The following ALDH18A1 variants were observed in gnomAD, a reference collection of about 807,000 sequenced individuals.
ALDH18A1 encodes delta-1-pyrroline-5-carboxylate synthase.
Under a neutral mutation model 88.8 loss-of-function variants are expected in ALDH18A1, and 44 were observed. That is an observed-to-expected ratio of 0.50 (90% CI 0.39 to 0.64). ALDH18A1 has a LOEUF of 0.64. Ranked by LOEUF, ALDH18A1 falls within the 30% of genes least tolerant of loss-of-function variation. The pLI is 0.00. For missense variants in ALDH18A1, 782 were observed against 1,009.5 expected (o/e 0.77, Z 3.05); for synonymous variants, 331 against 372.1 (o/e 0.89, Z 1.27).
chr10:95,614,756 T>C (rs2097841482), intron 13 of ALDH18A1, among the ~76,000 whole-genome samples: 1 of 152,166 alleles, frequency 6.6e-6, no homozygotes, highest in African/African-American at 2.4e-5. Context: ...TTTTAATTTT[T>C]CTCCACATGG....
Position 95,638,922 on chromosome 10 carries a change from G to A in ALDH18A1, c.304-1486C>T, listed in dbSNP as rs184243200. Among the ~76,000 whole-genome samples the A allele has an allele frequency of 2.0e-5, 3 of 151,718 alleles. 1 individual carries two copies. The highest frequency in any genetic ancestry group is 2.0e-4 in the Admixed American group (3 of 15,252). Reference sequence around the variant, plus strand: ...CAGTCTTGCTTTGTCACCCATGCTGGAGGACAGTGGCACAATCATGGCTCA... The same window carrying A: ...CAGTCTTGCTTTGTCACCCATGCTGAAGGACAGTGGCACAATCATGGCTCA... On this transcript the variant is annotated intron_variant, in intron 3 of 17. Coordinates refer to ENST00000371224, the MANE Select transcript of ALDH18A1 (RefSeq NM_002860.4).
In ALDH18A1 at chr10:95,611,217, A is replaced by T. The variant is rs767592273; in HGVS notation, c.2110+39T>A. 8 of 1,611,790 alleles carry T rather than the reference A, an allele frequency of 5.0e-6. No individual in the cohort carries two copies. The East Asian group carries it at 1.8e-4, about 36-fold the overall frequency. On this transcript the variant is annotated intron_variant, in intron 16 of 17. Transcript: ENST00000371224. The stretch of plus-strand genomic sequence containing the variant: ...AGAGGAGCAGGATCAGAAAGCAGCA[A>T]AGGCAGACACTGTATGCGGGAAGCA...
chr10:95,648,320 TTCATCATCATCATCATCATCA>T (rs56238714), intron 2 of ALDH18A1, among the ~76,000 whole-genome samples: 1 of 150,688 alleles, frequency 6.6e-6, no homozygotes. Flanking sequence ...ATATTCTACC[TTCATCATCATCATCATCATCA>T]TCATCATCAT....
chr10:95,617,496 G>T (rs1235536411), intron 12 of ALDH18A1, among the ~76,000 whole-genome samples: 1 of 152,234 alleles, frequency 6.6e-6, no homozygotes, highest in Non-Finnish European at 1.5e-5. Context: ...AGCTGTGGTA[G>T]AGACTGCTGA....
At chr10:95,620,935 A>T (rs1364809119) in intron 12 of ALDH18A1, 96 bp downstream of exon 12, 46 of 187,244 alleles carry the variant, frequency 2.5e-4, no homozygotes, top group Admixed American at 2.4e-3. Flanking sequence ...AACTTAAATT[A>T]AAAAAAAAAA....
intron 2 of ALDH18A1, among the ~76,000 whole-genome samples, chr10:95,651,926 A>C (rs1309944717): frequency 6.6e-6 from 1 of 152,244 alleles, no homozygotes; most frequent in Non-Finnish European, 1.5e-5. Context: ...CCTGTACATC[A>C]ATGTTCATAC....
chr10:95,652,942 T>G (rs2097912697), intron 2 of ALDH18A1, among the ~76,000 whole-genome samples: 1 of 151,820 alleles, frequency 6.6e-6, no homozygotes, highest in Admixed American at 6.6e-5. Flanking sequence ...ATCCCAGCAC[T>G]TTGGGAGGCC....
intron 12 of ALDH18A1, among the ~76,000 whole-genome samples, chr10:95,619,396 T>A (rs573396531): frequency 9.5e-4 from 144 of 152,306 alleles, no homozygotes; most frequent in Middle Eastern, 6.8e-3. Context: ...GCCATCCCCA[T>A]CAAGCTACCA....
intron 11 of ALDH18A1, among the ~76,000 whole-genome samples, chr10:95,623,325 T>C (rs1022707547): frequency 2.0e-5 from 3 of 152,232 alleles, no homozygotes; most frequent in Non-Finnish European, 2.9e-5. Flanking sequence ...CCTATGTTAT[T>C]AAATGCTCAG....
At position 95,656,624 on chromosome 10, in the gene ALDH18A1, C is replaced by G. The variant is rs2097918558; in HGVS notation, c.-56G>C. The G allele has an allele frequency of 6.5e-6, 1 of 152,776 alleles. No homozygotes were observed. The highest frequency in any genetic ancestry group is 1.5e-5 in the Non-Finnish European group (1 of 68,500). 9.5% of individuals were successfully genotyped at this position (152,776 alleles called of 1,614,324 possible). A position where few individuals can be genotyped will look rare whatever the true frequency, so the allele number is the denominator to read the frequency against. On this transcript the variant is annotated 5_prime_UTR_variant, in exon 1 of 18. Coordinates refer to ENST00000371224, the MANE Select transcript of ALDH18A1 (RefSeq NM_002860.4). ...TCCTCACCACCGCCGCCTTCGCCCCCTGGCACTACCGCGGGTCCGCACTCC... is the reference window on the plus strand; with the variant it reads ...TCCTCACCACCGCCGCCTTCGCCCCGTGGCACTACCGCGGGTCCGCACTCC...
At chr10:95,616,651 C>T (rs1308835516) in intron 12 of ALDH18A1, 37 bp from the exon 13 acceptor site, 1 of 1,587,998 alleles carries the variant, frequency 6.3e-7, no homozygotes, top group South Asian at 1.1e-5. Flanking sequence ...TCAAAGGAGA[C>T]AAACAGTAAT....
At chr10:95,610,965 T>C (rs750681905) in intron 16 of ALDH18A1, among the ~76,000 whole-genome samples, 1 of 152,150 alleles carries the variant, frequency 6.6e-6, no homozygotes, top group Non-Finnish European at 1.5e-5. Flanking sequence ...GTAAAATGGG[T>C]TTATTTTAAC....
At chr10:95,619,480 G>C (rs1351926870) in intron 12 of ALDH18A1, among the ~76,000 whole-genome samples, 3 of 152,160 alleles carry the variant, frequency 2.0e-5, no homozygotes, top group East Asian at 1.9e-4. Flanking sequence ...GCATTGCCAA[G>C]ACAATCCTAA....
At chr10:95,623,161 A>G (rs1337720521) in intron 11 of ALDH18A1, among the ~76,000 whole-genome samples, 1 of 152,148 alleles carries the variant, frequency 6.6e-6, no homozygotes, top group Non-Finnish European at 1.5e-5. Flanking sequence ...TTTTCCCCAT[A>G]TGCTAAAAAA....
At position 95,635,215 on chromosome 10, in the gene ALDH18A1, GTTGGA is replaced by G. The variant is rs1196451410; in HGVS notation, c.559-1571_559-1567del. 3.9e-3 allele frequency among the ~76,000 whole-genome samples: 600 copies of G among 152,312 alleles called. 2 individuals are homozygous for G. The highest frequency in any genetic ancestry group is 0.013 in the African/African-American group (560 of 41,550). ...CTCCTTTTCAGAAAAGCTTAGTGCTGTTGGACACAGGACTAGGTCCAAACTGAACA... is the reference window on the plus strand; with the variant it reads ...CTCCTTTTCAGAAAAGCTTAGTGCTGCACAGGACTAGGTCCAAACTGAACA... On this transcript the variant is annotated intron_variant, in intron 5 of 17. Coordinates refer to ENST00000371224, the MANE Select transcript of ALDH18A1 (RefSeq NM_002860.4).
intron 2 of ALDH18A1, among the ~76,000 whole-genome samples, chr10:95,648,974 C>T (rs552451473): frequency 2.0e-5 from 3 of 152,210 alleles, no homozygotes; most frequent in Non-Finnish European, 4.4e-5. Context: ...AACTTTCAGC[C>T]CTTATACTCT....
Position 95,631,742 on chromosome 10 carries a change from C to CAAA in ALDH18A1, c.808+1214_808+1216dup, listed in dbSNP as rs71034341. Among the ~76,000 whole-genome samples the CAAA allele has an allele frequency of 4.6e-3, 350 of 76,276 alleles. 1 individual carries two copies. The highest frequency in any genetic ancestry group is 0.015 in the East Asian group (37 of 2,516). The allele number at this position is 76,276 out of a possible 152,430, so 50.0% of individuals were successfully genotyped here. On this transcript the variant is annotated intron_variant, in intron 7 of 17. Coordinates refer to ENST00000371224, the MANE Select transcript of ALDH18A1 (RefSeq NM_002860.4). ...TGGGTGACAGGATAAGGCTCTGCCT[C>CAAA]AAAAAAAAAAAAAAAAAAAAAAACA... is the stretch of plus-strand genomic sequence containing the variant.
intron 16 of ALDH18A1, 128 bp from the exon 17 acceptor site, chr10:95,610,420 C>A: frequency 1.3e-6 from 1 of 773,890 alleles, no homozygotes; most frequent in Non-Finnish European, 2.2e-6. Flanking sequence ...TGTGTTCTCA[C>A]GTATTAAATA....
Position 95,621,133 on chromosome 10 carries a change from C to T in ALDH18A1, c.1365G>A (p.Leu455=), listed in dbSNP as rs1264766468. The change falls in exon 12 of 18, where the codon TTG becomes TTA. Residue 455 remains leucine (L), a synonymous_variant. Coordinates refer to ENST00000371224, the MANE Select transcript of ALDH18A1 (RefSeq NM_002860.4). ...AGTTTTTGGCGATTCGGGTGCGGCGCAAAACACGTCCCACGCTGTCCTGGG... is the reference window on the plus strand; with the variant it reads ...AGTTTTTGGCGATTCGGGTGCGGCGTAAAACACGTCCCACGCTGTCCTGGG... ...ASSQDSVGRV[L]RRTRIAKNLE... is the part of the protein sequence containing the mutation. 2 of 1,614,008 alleles carry T rather than the reference C, an allele frequency of 1.2e-6. No homozygotes were observed. The highest frequency in any genetic ancestry group is 1.7e-6 in the Non-Finnish European group (2 of 1,180,006).
Sources: allele counts gnomAD v4.1 joint callset (sites outside exome capture counted in the v4.1 genomes callset), GRCh38; gene constraint gnomAD v4.1.1; transcripts MANE v1.5; gene names NCBI Gene and HGNC (gene_info 2026-07-23, HGNC 2026-07-21).